Variants in LGR5 observed in about 807,000 individuals in gnomAD.
The protein encoded by LGR5 is leucine rich repeat containing G protein-coupled receptor 5.
In LGR5, 54 loss-of-function variants were observed where a neutral mutation model predicts 76.7. That is an observed-to-expected ratio of 0.70 (90% CI 0.57 to 0.88). The LOEUF is 0.88. LGR5 is among the 40% of genes least tolerant of loss of function. The pLI is 0.00. For missense variants in LGR5, 1,078 were observed against 1,073.3 expected, an observed-to-expected ratio of 1.00 and a Z score of -0.06; for synonymous variants, 406 against 421.9, an observed-to-expected ratio of 0.96 and a Z score of 0.46.
intron 2 of LGR5, 71 bp from the exon 3 acceptor site, chr12:71,524,335 T>C: frequency 8.8e-7 from 1 of 1,142,422 alleles, no homozygotes; most frequent in Non-Finnish European, 1.3e-6. Flanking sequence ...GTATTGCATT[T>C]TTTTAACAAC....
intron 1 of LGR5, among the ~76,000 whole-genome samples, chr12:71,483,080 G>C (rs992627456): frequency 1.6e-4 from 25 of 151,644 alleles, no homozygotes; most frequent in Middle Eastern, 3.2e-3. Context: ...ATAAGTTACT[G>C]TTATAAGAAA....
intron 3 of LGR5, among the ~76,000 whole-genome samples, chr12:71,528,268 G>A (rs1876118868): frequency 6.6e-6 from 1 of 151,938 alleles, no homozygotes; most frequent in South Asian, 2.1e-4. Context: ...GACCAGCCTG[G>A]GCAGCATGGC....
In LGR5 at chr12:71,559,848, C is replaced by T. The variant is rs552345868; in HGVS notation, c.785+194C>T. ...TACCAGATAATATTTTTTATTTATG[C>T]GGGGTTTTTCTAACATATATATTAA... On this transcript the variant is annotated intron_variant, in intron 7 of 17. Coordinates refer to ENST00000266674, the MANE Select transcript of LGR5 (RefSeq NM_003667.4). Among the ~76,000 whole-genome samples the T allele has an allele frequency of 1.1e-4, 16 of 151,852 alleles. No homozygotes were observed. The South Asian group carries it at 2.3e-3, about 22-fold the overall frequency.
intron 1 of LGR5, among the ~76,000 whole-genome samples, chr12:71,497,819 T>C (rs1333782206): frequency 4.6e-5 from 7 of 152,106 alleles, no homozygotes; most frequent in Non-Finnish European, 1.0e-4. Context: ...GTGGCAGAGA[T>C]TAAAGAAAGA....
chr12:71,574,742 T>C (rs529107616), intron 13 of LGR5, among the ~76,000 whole-genome samples: 1 of 152,280 alleles, frequency 6.6e-6, no homozygotes, highest in South Asian at 2.1e-4. Flanking sequence ...CCAGTGTTTC[T>C]CCTATTCCCA....
intron 9 of LGR5, 76 bp downstream of exon 9, chr12:71,566,551 T>G: frequency 6.7e-7 from 1 of 1,502,766 alleles, no homozygotes. Context: ...TATTATAGGT[T>G]GAAGTGCTTT....
intron 2 of LGR5, among the ~76,000 whole-genome samples, chr12:71,513,207 C>T (rs1161970694): frequency 6.6e-6 from 1 of 152,062 alleles, no homozygotes; most frequent in Non-Finnish European, 1.5e-5. Context: ...TGAGGAACAT[C>T]TATGGTTGAG....
At chr12:71,484,196 A>G (rs779817973) in intron 1 of LGR5, among the ~76,000 whole-genome samples, 13 of 152,128 alleles carry the variant, frequency 8.5e-5, no homozygotes, top group Non-Finnish European at 1.6e-4. Context: ...ATGTAGAGAG[A>G]AAAAACAGAG....
chr12:71,450,185 G>A (rs1172627011), intron 1 of LGR5, among the ~76,000 whole-genome samples: 3 of 152,084 alleles, frequency 2.0e-5, no homozygotes, highest in South Asian at 2.1e-4. Context: ...CTACTTCTTG[G>A]TCACCTTTAT....
intron 1 of LGR5, among the ~76,000 whole-genome samples, chr12:71,487,444 T>C (rs1184722878): frequency 6.6e-6 from 1 of 152,216 alleles, no homozygotes; most frequent in Non-Finnish European, 1.5e-5. Context: ...AGACAGGGTC[T>C]CACTCTGTCA....
chr12:71,545,798 C>G (rs1177396860), intron 4 of LGR5, among the ~76,000 whole-genome samples: 1 of 151,970 alleles, frequency 6.6e-6, no homozygotes, highest in Non-Finnish European at 1.5e-5. Context: ...TATAAAGGGC[C>G]ATTTTCTGGA....
intron 4 of LGR5, among the ~76,000 whole-genome samples, chr12:71,539,514 G>C (rs1876768377): frequency 6.6e-6 from 1 of 152,154 alleles, no homozygotes; most frequent in South Asian, 2.1e-4. Context: ...GTCTCACTCT[G>C]TTGCCCAGGC....
At chr12:71,521,676 C>T (rs957120186) in intron 2 of LGR5, among the ~76,000 whole-genome samples, 3 of 152,034 alleles carry the variant, frequency 2.0e-5, no homozygotes, top group Admixed American at 6.6e-5. Flanking sequence ...AATTCTGGGT[C>T]GGGAAATTAT....
intron 2 of LGR5, among the ~76,000 whole-genome samples, chr12:71,509,263 T>A (rs1875024073): frequency 6.6e-6 from 1 of 152,178 alleles, no homozygotes; most frequent in Non-Finnish European, 1.5e-5. Context: ...GAAAGGATGA[T>A]GAAAGAACGT....
chr12:71,537,794 G>A (rs12813055), intron 4 of LGR5, among the ~76,000 whole-genome samples: 14,444 of 152,030 alleles, frequency 0.095, 729 homozygotes, highest in Non-Finnish European at 0.11. Context: ...CTGTGCTTCC[G>A]TATCAATAAA....
intron 4 of LGR5, among the ~76,000 whole-genome samples, chr12:71,549,043 A>C (rs1250726570): frequency 6.6e-6 from 1 of 152,178 alleles, no homozygotes; most frequent in Non-Finnish European, 1.5e-5. Flanking sequence ...CAAGCATATG[A>C]ATAGAGAATG....
intron 16 of LGR5, among the ~76,000 whole-genome samples, chr12:71,581,798 G>A (rs962576600): frequency 6.6e-6 from 1 of 152,184 alleles, no homozygotes; most frequent in Non-Finnish European, 1.5e-5. Flanking sequence ...GTCATTCATG[G>A]AGTTTATTTT....
chr12:71,544,675 C>T (rs1592530334), intron 4 of LGR5, among the ~76,000 whole-genome samples: 1 of 151,888 alleles, frequency 6.6e-6, no homozygotes, highest in African/African-American at 2.4e-5. Context: ...AGTTCTGTGA[C>T]AAATTTAGCT....
chr12:71,443,515 A>G (rs1297356509), intron 1 of LGR5, among the ~76,000 whole-genome samples: 1 of 152,232 alleles, frequency 6.6e-6, no homozygotes, highest in East Asian at 1.9e-4. Flanking sequence ...AGCAGAAAAT[A>G]AGGAACGCAC....
Sources: gnomAD v4.1 joint callset for allele counts (sites outside exome capture counted in the v4.1 genomes callset) on GRCh38, gnomAD v4.1.1 for gene constraint, MANE v1.5 for transcripts, NCBI Gene and HGNC (gene_info 2026-07-23, HGNC 2026-07-21) for gene names.